Variants in DENND1A observed in about 807,000 individuals in gnomAD.
DENND1A encodes the protein DENN domain containing 1A.
DENND1A carries 51 observed loss-of-function variants against 113.7 expected under a neutral mutation model. The observed-to-expected ratio is 0.45, with a 90% CI of 0.36 to 0.57. DENND1A has a LOEUF of 0.57. DENND1A is among the 20% of genes least tolerant of loss of function. DENND1A has a pLI of 0.00. For missense variants in DENND1A, 1,258 were observed against 1,395.9 expected (o/e 0.90, Z 1.57); for synonymous variants, 565 against 570.8 (o/e 0.99, Z 0.14).
intron 6 of DENND1A, among the ~76,000 whole-genome samples, chr9:123,672,682 C>T (rs1323423561): frequency 6.6e-6 from 1 of 152,180 alleles, no homozygotes; most frequent in Non-Finnish European, 1.5e-5. Flanking sequence ...TGGCCCCTAA[C>T]TTGTGTCTCT....
At chr9:123,556,955 A>G (rs1161599183) in intron 13 of DENND1A, among the ~76,000 whole-genome samples, 1 of 152,222 alleles carries the variant, frequency 6.6e-6, no homozygotes. Context: ...GGGGACATAG[A>G]TAAGTCAACG....
chr9:123,416,303 G>T (rs1034641609), intron 19 of DENND1A, among the ~76,000 whole-genome samples: 1 of 152,194 alleles, frequency 6.6e-6, no homozygotes, highest in Admixed American at 6.5e-5. Flanking sequence ...ATGGAAAAGG[G>T]AACAGATTGG....
chr9:123,506,121 G>C (rs1376131372), intron 13 of DENND1A, among the ~76,000 whole-genome samples: 2 of 152,006 alleles, frequency 1.3e-5, no homozygotes, highest in Non-Finnish European at 2.9e-5. Context: ...TGACCTTAAT[G>C]CTTCCTAGCT....
At chr9:123,413,021 C>T (rs1381019933) in intron 19 of DENND1A, among the ~76,000 whole-genome samples, 1 of 152,116 alleles carries the variant, frequency 6.6e-6, no homozygotes, top group Non-Finnish European at 1.5e-5. Context: ...CCCATCTATA[C>T]AAAAATACAA....
chr9:123,707,701 G>A (rs1031553894), intron 5 of DENND1A, among the ~76,000 whole-genome samples: 6 of 152,150 alleles, frequency 3.9e-5, no homozygotes, highest in African/African-American at 1.4e-4. Flanking sequence ...AAGCCTGATT[G>A]GAATGACTTC....
chr9:123,487,701 T>C (rs944742919), intron 13 of DENND1A, among the ~76,000 whole-genome samples: 1 of 151,962 alleles, frequency 6.6e-6, no homozygotes, highest in Non-Finnish European at 1.5e-5. Context: ...ACATACACAA[T>C]GTCCTGCAGA....
chr9:123,484,945 T>C (rs760742609), intron 13 of DENND1A, among the ~76,000 whole-genome samples: 2 of 152,198 alleles, frequency 1.3e-5, no homozygotes, highest in African/African-American at 2.4e-5. Context: ...TTCTGTAACA[T>C]GGAGGTAGTA....
intron 12 of DENND1A, among the ~76,000 whole-genome samples, chr9:123,572,106 T>C (rs1338961512): frequency 2.0e-5 from 3 of 152,232 alleles, no homozygotes; most frequent in Admixed American, 6.5e-5. Flanking sequence ...ACAATCAAGA[T>C]ACAGACGGTC....
At chr9:123,415,991 A>G (rs1416069220) in intron 19 of DENND1A, among the ~76,000 whole-genome samples, 1 of 152,096 alleles carries the variant, frequency 6.6e-6, no homozygotes, top group Non-Finnish European at 1.5e-5. Context: ...TAAGGGGATG[A>G]GCTAGGAAAG....
chr9:123,914,099 GA>G (rs2134063586), intron 1 of DENND1A, among the ~76,000 whole-genome samples: 1 of 151,928 alleles, frequency 6.6e-6, no homozygotes, highest in Admixed American at 6.6e-5. Flanking sequence ...AGTTCTTAAG[GA>G]TCATGCACTT....
At chr9:123,808,605 C>T (rs989773281) in intron 2 of DENND1A, among the ~76,000 whole-genome samples, 2 of 152,108 alleles carry the variant, frequency 1.3e-5, no homozygotes, top group Admixed American at 6.5e-5. Flanking sequence ...TGGTCTCAAA[C>T]ACCTGAGATC....
At chr9:123,734,096 G>T (rs2068384277) in intron 5 of DENND1A, among the ~76,000 whole-genome samples, 1 of 152,228 alleles carries the variant, frequency 6.6e-6, no homozygotes, top group Non-Finnish European at 1.5e-5. Context: ...AGTCTCCCAA[G>T]TAGCTGAGAC....
intron 1 of DENND1A, among the ~76,000 whole-genome samples, chr9:123,902,504 A>G (rs1052280910): frequency 2.0e-5 from 3 of 152,188 alleles, no homozygotes; most frequent in Non-Finnish European, 4.4e-5. Flanking sequence ...ATCACTCGCA[A>G]GCACAAAGAA....
At chr9:123,848,935 G>C (rs975310324) in intron 2 of DENND1A, among the ~76,000 whole-genome samples, 2 of 152,194 alleles carry the variant, frequency 1.3e-5, no homozygotes, top group African/African-American at 4.8e-5. Flanking sequence ...GGCTGAGAGA[G>C]GTGAGGAAGC....
chr9:123,619,408 T>C (rs2163055), intron 10 of DENND1A, among the ~76,000 whole-genome samples: 45,222 of 151,236 alleles, frequency 0.3, 6,966 homozygotes, highest in African/African-American at 0.32. Context: ...ATACATACAT[T>C]GATTGACTGA....
intron 1 of DENND1A, among the ~76,000 whole-genome samples, chr9:123,911,599 C>A (rs562841757): frequency 1.3e-5 from 2 of 152,294 alleles, no homozygotes; most frequent in South Asian, 4.1e-4. Context: ...GCAGAAGAAG[C>A]CACACCCATG....
At chr9:123,902,726 A>AG (rs922094179) in intron 1 of DENND1A, among the ~76,000 whole-genome samples, 4 of 150,952 alleles carry the variant, frequency 2.6e-5, no homozygotes, top group African/African-American at 9.7e-5. Context: ...AATAGAACAG[A>AG]GAAAAAAAAA....
At position 123,902,450 on chromosome 9, in the gene DENND1A, A is replaced by G. The variant is rs75600347; in HGVS notation, c.18-23429T>C. 9.8e-3 allele frequency among the ~76,000 whole-genome samples: 1,486 copies of G among 152,310 alleles called. 14 individuals carry two copies. Among genetic ancestry groups the G allele is most frequent in the East Asian group, 0.02 (106 of 5,186 alleles). ...AGGAATTCAACTAGGAACAATGAACATAAACCAGTTCTTCAGCCACAGATC... is the reference window on the plus strand; with the variant it reads ...AGGAATTCAACTAGGAACAATGAACGTAAACCAGTTCTTCAGCCACAGATC... On this transcript the variant is annotated intron_variant, in intron 1 of 23. Coordinates refer to ENST00000394215, the MANE Select transcript of DENND1A (RefSeq NM_001352964.2).
At chr9:123,464,806 T>C (rs772900222) in intron 13 of DENND1A, among the ~76,000 whole-genome samples, 56 of 151,940 alleles carry the variant, frequency 3.7e-4, no homozygotes, top group Middle Eastern at 6.8e-3. Flanking sequence ...CAGTGGAAGC[T>C]GGGAGATGGG....
Sources: allele counts gnomAD v4.1 joint callset (sites outside exome capture counted in the v4.1 genomes callset), GRCh38; gene constraint gnomAD v4.1.1; transcripts MANE v1.5; gene names NCBI Gene and HGNC (gene_info 2026-07-23, HGNC 2026-07-21).